Variants in AGBL4 observed in about 807,000 individuals in gnomAD.
AGBL4 encodes the protein cytosolic carboxypeptidase 6.
AGBL4 carries 58 observed loss-of-function variants against 66.4 expected under a neutral mutation model. That is an observed-to-expected ratio of 0.87 (90% CI 0.71 to 1.09). The LOEUF is 1.09. Ranked by LOEUF, AGBL4 falls within the 50% of genes least tolerant of loss-of-function variation. AGBL4 has a pLI of 0.00. For missense variants in AGBL4, 579 were observed against 631.0 expected, an observed-to-expected ratio of 0.92 and a Z score of 0.88; for synonymous variants, 234 against 222.9, an observed-to-expected ratio of 1.05 and a Z score of -0.44.
At chr1:49,242,662 C>T (rs1219941834) in intron 4 of AGBL4, among the ~76,000 whole-genome samples, 2 of 151,864 alleles carry the variant, frequency 1.3e-5, no homozygotes, top group Non-Finnish European at 2.9e-5. Context: ...AAACCTGATG[C>T]TACAGAGCCC....
At chr1:49,133,539 T>C (rs1254413363) in intron 4 of AGBL4, among the ~76,000 whole-genome samples, 1 of 152,124 alleles carries the variant, frequency 6.6e-6, no homozygotes, top group African/African-American at 2.4e-5. Flanking sequence ...AAAACTAAAA[T>C]ACCATATTCC....
At chr1:49,577,014 G>A (rs923069276) in intron 3 of AGBL4, among the ~76,000 whole-genome samples, 9 of 152,208 alleles carry the variant, frequency 5.9e-5, no homozygotes, top group Non-Finnish European at 1.3e-4. Context: ...GGTCAGATGT[G>A]TGATTATATA....
At chr1:48,992,713 T>C (rs1557536556) in intron 5 of AGBL4, among the ~76,000 whole-genome samples, 2 of 152,014 alleles carry the variant, frequency 1.3e-5, no homozygotes, top group Non-Finnish European at 2.9e-5. Flanking sequence ...GTTCTTCCCA[T>C]CCTTCCCTCC....
intron 3 of AGBL4, among the ~76,000 whole-genome samples, chr1:49,518,038 C>A (rs1213116875): frequency 1.3e-5 from 2 of 152,074 alleles, no homozygotes; most frequent in African/African-American, 4.8e-5. Flanking sequence ...TTGCCACATG[C>A]AGTCCATAGA....
At chr1:49,776,579 CT>C (rs1644204020) in intron 2 of AGBL4, among the ~76,000 whole-genome samples, 1 of 152,012 alleles carries the variant, frequency 6.6e-6, no homozygotes, top group African/African-American at 2.4e-5. Flanking sequence ...CATTTCAGAG[CT>C]TTTTTTATGT....
intron 9 of AGBL4, among the ~76,000 whole-genome samples, chr1:48,594,259 T>A (rs1163451932): frequency 6.6e-6 from 1 of 152,088 alleles, no homozygotes; most frequent in Non-Finnish European, 1.5e-5. Context: ...TGGGCGCAGA[T>A]GTTGCAGTGA....
At chr1:49,799,136 G>A (rs1030357726) in intron 2 of AGBL4, among the ~76,000 whole-genome samples, 11 of 152,180 alleles carry the variant, frequency 7.2e-5, no homozygotes, top group South Asian at 2.1e-4. Context: ...CATTGCAAAC[G>A]TCTCGCTGAA....
intron 6 of AGBL4, among the ~76,000 whole-genome samples, chr1:48,743,302 CCT>C (rs1456156991): frequency 1.3e-5 from 2 of 152,094 alleles, no homozygotes; most frequent in African/African-American, 4.8e-5. Flanking sequence ...ACATTAAGCC[CCT>C]GATTGCCTGA....
chr1:49,378,967 C>T (rs1644531136), intron 3 of AGBL4, among the ~76,000 whole-genome samples: 1 of 152,006 alleles, frequency 6.6e-6, no homozygotes, highest in Admixed American at 6.6e-5. Context: ...ATGAGCAGCA[C>T]ATCATTGTGG....
intron 3 of AGBL4, among the ~76,000 whole-genome samples, chr1:49,613,690 T>C (rs1414585542): frequency 6.6e-6 from 1 of 152,160 alleles, no homozygotes; most frequent in African/African-American, 2.4e-5. Context: ...TGGGACCATA[T>C]AGTTGCAAGA....
rs557867389 is a variant in AGBL4 at position 48,736,504 on chromosome 1, G to A, written c.635-73263C>T. On this transcript the variant is annotated intron_variant, in intron 6 of 13. Transcript: ENST00000371839. This position sits in a 1 kb window ranked among gnomAD's most constrained non-coding sequence, Gnocchi z 4.0. Reference sequence around the variant, plus strand: ...TGTTTAGTCCGACAGGAGGGCAGTGGGAGGCTTCTCTTGTCCTTTAAAAAG... The same window carrying A: ...TGTTTAGTCCGACAGGAGGGCAGTGAGAGGCTTCTCTTGTCCTTTAAAAAG... The A allele has an allele frequency of 6.7e-7, 1 of 1,503,246 alleles. No homozygotes were observed. The highest frequency in any genetic ancestry group is 1.4e-5 in the African/African-American group (1 of 72,276). 93.1% of individuals were successfully genotyped at this position (1,503,246 alleles called of 1,614,324 possible).
chr1:49,160,834 G>A (rs1646527001), intron 4 of AGBL4, among the ~76,000 whole-genome samples: 1 of 152,150 alleles, frequency 6.6e-6, no homozygotes, highest in Admixed American at 6.5e-5. Flanking sequence ...ACTTCCAGGT[G>A]GCTTTATTTA....
chr1:49,621,416 A>C (rs561386961), intron 3 of AGBL4, among the ~76,000 whole-genome samples: 3 of 152,228 alleles, frequency 2.0e-5, no homozygotes, highest in Non-Finnish European at 4.4e-5. Flanking sequence ...CAAAGGAAGG[A>C]GGAAGTAACT....
chr1:49,163,426 T>A (rs928477269), intron 4 of AGBL4, among the ~76,000 whole-genome samples: 4 of 152,202 alleles, frequency 2.6e-5, no homozygotes, highest in Non-Finnish European at 4.4e-5. Context: ...TTCCTAGTCA[T>A]CAAAGTACTT....
rs148102619 is a variant in AGBL4 at position 49,874,809 on chromosome 1, T to G, written c.35-23291A>C. ...AACAATTTTTGTTATTTCTATTATTTTTTTGTTTTGTTTTGTTTTATTACT... is the reference window on the plus strand; with the variant it reads ...AACAATTTTTGTTATTTCTATTATTGTTTTGTTTTGTTTTGTTTTATTACT... On this transcript the variant is annotated intron_variant, in intron 1 of 13. Transcript: ENST00000371839. Among the ~76,000 whole-genome samples the G allele has an allele frequency of 5.9e-3, 896 of 152,202 alleles. 10 individuals are homozygous for G. Among genetic ancestry groups the G allele is most frequent in the African/African-American group, 0.021 (854 of 41,540 alleles).
intron 3 of AGBL4, among the ~76,000 whole-genome samples, chr1:49,369,210 G>C (rs1644294725): frequency 6.6e-6 from 1 of 152,200 alleles, no homozygotes; most frequent in East Asian, 1.9e-4. Flanking sequence ...AGATAGATCT[G>C]TAAGGTAGTA....
intron 2 of AGBL4, among the ~76,000 whole-genome samples, chr1:49,799,124 T>C (rs1644798911): frequency 6.6e-6 from 1 of 152,186 alleles, no homozygotes; most frequent in Admixed American, 6.5e-5. Context: ...GTGCACCATG[T>C]GCATTGCAAA....
At chr1:49,225,295 T>C (rs1055395429) in intron 4 of AGBL4, among the ~76,000 whole-genome samples, 51 of 152,236 alleles carry the variant, frequency 3.4e-4, no homozygotes, top group African/African-American at 1.2e-3. Context: ...AGAAAATATC[T>C]GTGGAATTGA....
At chr1:49,337,445 A>G (rs908952212) in intron 3 of AGBL4, among the ~76,000 whole-genome samples, 1 of 152,204 alleles carries the variant, frequency 6.6e-6, no homozygotes, top group Non-Finnish European at 1.5e-5. Flanking sequence ...ACACCATACA[A>G]TTCCTGCTTG....
Sources: gnomAD v4.1 joint callset for allele counts (sites outside exome capture counted in the v4.1 genomes callset) on GRCh38, gnomAD v4.1.1 for gene constraint, Gnocchi (gnomAD v3.1) non-coding constraint, MANE v1.5 for transcripts, NCBI Gene and HGNC (gene_info 2026-07-23, HGNC 2026-07-21) for gene names.